COL6A6: variants seen among roughly 807,000 people sequenced by gnomAD.
COL6A6 encodes collagen type VI alpha 6 chain, also known as collagen alpha-6(VI) chain.
In COL6A6, 183 loss-of-function variants were observed where a neutral mutation model predicts 208.6. That is an observed-to-expected ratio of 0.88 (90% CI 0.78 to 0.99). COL6A6 has a LOEUF of 0.99. Ranked by LOEUF, COL6A6 falls within the 50% of genes least tolerant of loss-of-function variation. The pLI, the probability that COL6A6 is intolerant of heterozygous loss-of-function variation, is 0.00. For synonymous variants in COL6A6, 973 were observed against 1,011.8 expected, an observed-to-expected ratio of 0.96 and a Z score of 0.73; for missense variants, 2,816 against 2,815.2, an observed-to-expected ratio of 1.00 and a Z score of -0.01.
intron 10 of COL6A6, among the ~76,000 whole-genome samples, chr3:130,585,717 C>CT (rs2063524699): frequency 6.6e-6 from 1 of 152,186 alleles, no homozygotes; most frequent in South Asian, 2.1e-4. Flanking sequence ...GACAATAGGC[C>CT]TGTTACTCTT....
Position 130,570,771 on chromosome 3 carries a change from T to C in COL6A6, c.2402-47T>C, listed in dbSNP as rs1307269207. ...AAAAAGGTTGAGGCGTCTCCCATGC[T>C]GTCCAAAGCTAATCTCATATGGTTT... is the stretch of plus-strand genomic sequence containing the variant. On this transcript the variant is annotated intron_variant, in intron 6 of 36. Transcript: ENST00000358511. 2.8e-6 allele frequency: 4 copies of C among 1,449,960 alleles called. No individual in the cohort carries two copies. The South Asian group carries it at 5.2e-5, about 19-fold the overall frequency. 89.8% of individuals were successfully genotyped at this position (1,449,960 alleles called of 1,614,324 possible).
At chr3:130,536,177 T>C (rs2062220115) in intron 1 of COL6A6, among the ~76,000 whole-genome samples, 1 of 152,210 alleles carries the variant, frequency 6.6e-6, no homozygotes, top group Non-Finnish European at 1.5e-5. Context: ...TGCATCTTCA[T>C]GAAACAAATT....
intron 3 of COL6A6, 40 bp downstream of exon 3, chr3:130,563,704 C>T (rs79600490): frequency 2.0e-5 from 27 of 1,373,686 alleles, no homozygotes; most frequent in African/African-American, 2.9e-5. Context: ...TGATAAAACG[C>T]TTTTGAAAAA....
At chr3:130,541,119 A>G (rs1320452993) in intron 1 of COL6A6, among the ~76,000 whole-genome samples, 1 of 152,214 alleles carries the variant, frequency 6.6e-6, no homozygotes, top group African/African-American at 2.4e-5. Context: ...ATTTACAAGG[A>G]AAAAAACAAC....
At chr3:130,543,434 TTGTC>T (rs1339215154) in intron 1 of COL6A6, among the ~76,000 whole-genome samples, 3 of 152,326 alleles carry the variant, frequency 2.0e-5, no homozygotes, top group East Asian at 1.9e-4. Context: ...CTTCCATTCT[TTGTC>T]TATCTTTTGT....
chr3:130,658,828 C>T (rs2065868749), intron 34 of COL6A6, 56 bp downstream of exon 34: 3 of 1,272,338 alleles, frequency 2.4e-6, no homozygotes, highest in Non-Finnish European at 2.3e-6. Flanking sequence ...TGATGAGTCA[C>T]CACTGGCAGG....
At chr3:130,537,369 T>G (rs567810447) in intron 1 of COL6A6, among the ~76,000 whole-genome samples, 1 of 152,328 alleles carries the variant, frequency 6.6e-6, no homozygotes, top group Admixed American at 6.5e-5. Context: ...CACTTAGTAG[T>G]GCTCAGTAGT....
chr3:130,552,355 G>A (rs542552251), intron 1 of COL6A6, among the ~76,000 whole-genome samples: 2 of 152,230 alleles, frequency 1.3e-5, no homozygotes, highest in African/African-American at 4.8e-5. Context: ...ATAGTTAGAT[G>A]TTCTTGTTGA....
chr3:130,645,054 C>T (rs2065428292), intron 32 of COL6A6, 52 bp downstream of exon 32: 2 of 1,564,730 alleles, frequency 1.3e-6, no homozygotes, highest in Middle Eastern at 1.7e-4. Flanking sequence ...AAATGTCATA[C>T]ATCTGGAAAG....
Position 130,578,409 on chromosome 3 carries a change from A to G in COL6A6, c.3548-3152A>G, listed in dbSNP as rs541700033. Among the ~76,000 whole-genome samples, 9 of 152,306 alleles carry G rather than the reference A, an allele frequency of 5.9e-5. No homozygotes were observed. In the South Asian group the frequency reaches 1.5e-3, roughly 25 times the overall value. ...CCTGAAGCAGAGTTTACATGCCAAT[A>G]CTTTATTGGGAGTGCAGTCCCAGGG... On this transcript the variant is annotated intron_variant, in intron 8 of 36. Coordinates refer to ENST00000358511, the MANE Select transcript of COL6A6 (RefSeq NM_001102608.3).
intron 35 of COL6A6, among the ~76,000 whole-genome samples, chr3:130,662,977 G>A (rs761066788): frequency 3.9e-4 from 59 of 152,172 alleles, no homozygotes; most frequent in Non-Finnish European, 6.6e-4. Context: ...ATAAAAAGCT[G>A]TATCCTAATA....
At chr3:130,556,981 TTTTAC>T (rs2107830520) in intron 1 of COL6A6, among the ~76,000 whole-genome samples, 2 of 152,322 alleles carry the variant, frequency 1.3e-5, no homozygotes, top group African/African-American at 4.8e-5. Context: ...TTTTTATTTA[TTTTAC>T]TTGTATTTGT....
Position 130,662,003 on chromosome 3 carries a change from A to G in COL6A6, c.6197A>G (p.Gln2066Arg). The change falls in exon 35 of 37, where the codon CAG becomes CGG. Residue 2066 changes from glutamine to arginine, a missense_variant. Physicochemically the swap from Gln to Arg is conservative, Grantham distance 43. Transcript: ENST00000358511. ...NGDAFIGHAL[Q>R]WTLDNVFLST... ...GATGCTTTTATTGGTCATGCCTTAC[A>G]GTGGACTCTGGACAATGTATTTTTA... 1.9e-6 allele frequency: 3 copies of G among 1,614,010 alleles called. No homozygotes were observed. The highest frequency in any genetic ancestry group is 1.1e-5 in the South Asian group (1 of 91,084).
At chr3:130,524,036 C>G (rs1250648675) in intron 1 of COL6A6, among the ~76,000 whole-genome samples, 1 of 152,134 alleles carries the variant, frequency 6.6e-6, no homozygotes, top group Non-Finnish European at 1.5e-5. Context: ...TGTCATCAAC[C>G]TGAAATGGCA....
chr3:130,584,149 T>C (rs936743418), intron 10 of COL6A6, among the ~76,000 whole-genome samples: 1 of 152,186 alleles, frequency 6.6e-6, no homozygotes, highest in African/African-American at 2.4e-5. Context: ...AACATTGTAT[T>C]TAGGATCATG....
At chr3:130,573,286 T>C (rs2063209240) in intron 7 of COL6A6, among the ~76,000 whole-genome samples, 1 of 152,242 alleles carries the variant, frequency 6.6e-6, no homozygotes, top group African/African-American at 2.4e-5. Context: ...GGTGTGCTAC[T>C]ATTGTCACCG....
rs187536925 is a variant in COL6A6 at position 130,534,575 on chromosome 3, G to A, written c.-32+17178G>A. ...TGACATACTGCCTTTGGAATATTGT[G>A]TGTGATTTTATCAGAGTTTAGTCTT... On this transcript the variant is annotated intron_variant, in intron 1 of 36. Coordinates refer to ENST00000358511, the MANE Select transcript of COL6A6 (RefSeq NM_001102608.3). Among the ~76,000 whole-genome samples the A allele has an allele frequency of 6.6e-4, 100 of 152,226 alleles. 1 individual carries two copies. The highest frequency in any genetic ancestry group is 2.2e-3 in the African/African-American group (93 of 41,546).
chr3:130,587,798 T>G (rs1270761386), intron 11 of COL6A6, among the ~76,000 whole-genome samples: 4 of 152,214 alleles, frequency 2.6e-5, no homozygotes, highest in African/African-American at 9.6e-5. Flanking sequence ...TAAAAATAAT[T>G]ACATATAGAA....
intron 35 of COL6A6, among the ~76,000 whole-genome samples, chr3:130,663,149 C>T (rs1014779837): frequency 3.3e-5 from 5 of 152,148 alleles, no homozygotes; most frequent in South Asian, 2.1e-4. Flanking sequence ...TCTGATATTA[C>T]GTGGCAAGCC....
Sources: allele counts gnomAD v4.1 joint callset (sites outside exome capture counted in the v4.1 genomes callset), GRCh38; gene constraint gnomAD v4.1.1; transcripts MANE v1.5; gene names NCBI Gene and HGNC (gene_info 2026-07-23, HGNC 2026-07-21).